The following MATN2 variants were observed in gnomAD, a reference collection of about 807,000 sequenced individuals.
The protein encoded by MATN2 is matrilin-2.
A neutral mutation model predicts 103.2 loss-of-function variants in MATN2; 69 were observed. That is an observed-to-expected ratio of 0.67 (90% CI 0.55 to 0.82). The LOEUF is 0.82. Among genes scored for constraint, MATN2 ranks in the 40% least tolerant of loss-of-function variants. The pLI, the probability that MATN2 is intolerant of heterozygous loss-of-function variation, is 0.00. For synonymous variants in MATN2, 429 were observed against 450.2 expected, an observed-to-expected ratio of 0.95 and a Z score of 0.60; for missense variants, 1,023 against 1,211.5, an observed-to-expected ratio of 0.84 and a Z score of 2.31.
intron 5 of MATN2, among the ~76,000 whole-genome samples, chr8:97,978,287 C>CATTTGAAAT: frequency 6.6e-6 from 1 of 152,278 alleles, no homozygotes; most frequent in East Asian, 1.9e-4. Flanking sequence ...CACAGGAACA[C>CATTTGAAAT]ATTTGTGGAA....
intron 1 of MATN2, among the ~76,000 whole-genome samples, chr8:97,880,416 C>T (rs758618232): frequency 1.2e-4 from 18 of 152,136 alleles, no homozygotes; most frequent in Admixed American, 3.3e-4. Context: ...GCTAGTGAGC[C>T]TTATCTCTCC....
intron 7 of MATN2, among the ~76,000 whole-genome samples, chr8:98,002,306 G>A (rs984596490): frequency 1.3e-5 from 2 of 152,198 alleles, no homozygotes; most frequent in African/African-American, 4.8e-5. Context: ...TCAGAGATAC[G>A]CCTCCTCCAG....
At chr8:98,013,935 C>T (rs1285154844) in intron 10 of MATN2, among the ~76,000 whole-genome samples, 1 of 151,894 alleles carries the variant, frequency 6.6e-6, no homozygotes, top group African/African-American at 2.4e-5. Flanking sequence ...ATAGTGGGAC[C>T]CCATCTCAAC....
chr8:98,032,020 G>A (rs1203066707), intron 15 of MATN2: 1 of 358,410 alleles, frequency 2.8e-6, no homozygotes, highest in African/African-American at 2.3e-5. Flanking sequence ...TTCTTAAGAT[G>A]TACTTAGGGG....
At chr8:97,884,755 C>T (rs1439947388) in intron 1 of MATN2, among the ~76,000 whole-genome samples, 1 of 151,916 alleles carries the variant, frequency 6.6e-6, no homozygotes, top group Non-Finnish European at 1.5e-5. Context: ...TGGGCGACAG[C>T]GAGACTCTGT....
Position 98,005,440 on chromosome 8 carries a change from G to T in MATN2, c.1327+1657G>T, listed in dbSNP as rs1371510015. Reference sequence around the variant, plus strand: ...CCCTGGCAATTTTCCCAGGGCAGGTGGTCCTGACCTGGCTGAGCCCACGCA... The same window carrying T: ...CCCTGGCAATTTTCCCAGGGCAGGTTGTCCTGACCTGGCTGAGCCCACGCA... On this transcript the variant is annotated intron_variant, in intron 8 of 18. Coordinates refer to ENST00000254898, the MANE Select transcript of MATN2 (RefSeq NM_002380.5). The surrounding 1 kb of genome is among the most constrained non-coding windows in gnomAD (Gnocchi z 4.6). 6.6e-6 allele frequency among the ~76,000 whole-genome samples: 1 copy of T among 152,120 alleles called. No individual in the cohort carries two copies. Among genetic ancestry groups the T allele is most frequent in the African/African-American group, 2.4e-5 (1 of 41,410 alleles).
intron 1 of MATN2, among the ~76,000 whole-genome samples, chr8:97,880,991 A>G (rs1165377207): frequency 1.3e-5 from 2 of 152,178 alleles, no homozygotes; most frequent in African/African-American, 2.4e-5. Context: ...CTTTCCACCT[A>G]TAAATCTTAG....
At chr8:97,928,165 G>C (rs141238081) in intron 2 of MATN2, among the ~76,000 whole-genome samples, 2 of 151,028 alleles carry the variant, frequency 1.3e-5, no homozygotes, top group African/African-American at 4.9e-5. Context: ...CCCAACCCAG[G>C]GCTATATGCT....
chr8:97,871,840 G>A (rs1817908945), intron 1 of MATN2, among the ~76,000 whole-genome samples: 1 of 152,192 alleles, frequency 6.6e-6, no homozygotes, highest in Non-Finnish European at 1.5e-5. Flanking sequence ...TGGTGTTAAT[G>A]ACTATGACAG....
chr8:97,877,163 T>A (rs1214922893), intron 1 of MATN2, among the ~76,000 whole-genome samples: 1 of 151,494 alleles, frequency 6.6e-6, no homozygotes, highest in Non-Finnish European at 1.5e-5. Context: ...TGTACCACCA[T>A]GCTCAGCTAA....
At chr8:97,933,118 GA>G (rs1334942875) in intron 3 of MATN2, among the ~76,000 whole-genome samples, 1 of 152,178 alleles carries the variant, frequency 6.6e-6, no homozygotes, top group East Asian at 1.9e-4. Context: ...CTTGACTCCG[GA>G]ATCAAAAGAT....
chr8:97,961,521 A>G lies in MATN2; in HGVS notation c.949A>G (p.Arg317Gly), dbSNP rs1365328563. ...CTACGCCCTGGCTGAGGATGGGAAG[A>G]GGTGTGTGGGTGAGTATCCCTCCAG... The part of the protein sequence containing the change: ...SGYALAEDGK[R>G]CVAVDYCASE... The change falls in exon 5 of 19, where the codon AGG (arginine) becomes GGG (glycine). Residue 317 changes from arginine (R) to glycine (G), a missense_variant. Arg to Gly is a moderately radical substitution (Grantham distance 125, BLOSUM62 -2). Transcript: ENST00000254898. 1 of 1,612,572 alleles carries G rather than the reference A, an allele frequency of 6.2e-7. No homozygotes were observed. Among genetic ancestry groups the G allele is most frequent in the African/African-American group, 1.3e-5 (1 of 74,982 alleles).
chr8:97,903,773 G>A (rs1819068635), intron 2 of MATN2, among the ~76,000 whole-genome samples: 1 of 152,196 alleles, frequency 6.6e-6, no homozygotes, highest in Admixed American at 6.5e-5. Flanking sequence ...GCTTCAGAGT[G>A]TGGTTGACTA....
chr8:97,914,156 T>A (rs564657012), intron 2 of MATN2, among the ~76,000 whole-genome samples: 16 of 151,860 alleles, frequency 1.1e-4, no homozygotes, highest in Non-Finnish European at 2.1e-4. Flanking sequence ...AAACATTAAT[T>A]TACACCCAAG....
chr8:97,903,870 A>T (rs1212873023), intron 2 of MATN2, among the ~76,000 whole-genome samples: 1 of 152,236 alleles, frequency 6.6e-6, no homozygotes, highest in African/African-American at 2.4e-5. Flanking sequence ...ATGTCTTATC[A>T]AATGTTTTCC....
chr8:97,957,968 C>T (rs1007348777), intron 4 of MATN2, among the ~76,000 whole-genome samples: 12 of 152,308 alleles, frequency 7.9e-5, no homozygotes, highest in East Asian at 1.9e-4. Context: ...GACTCTTCTG[C>T]GGATATCCCA....
intron 5 of MATN2, among the ~76,000 whole-genome samples, chr8:97,978,360 G>A (rs1586115503): frequency 6.6e-6 from 1 of 152,116 alleles, no homozygotes; most frequent in South Asian, 2.1e-4. Context: ...CTTATTCAAT[G>A]TTCATCTTAT....
rs758670782 is a variant in MATN2, at chr8:98,033,544, T to A, written c.2717-17T>A. On this transcript the variant is annotated splice_polypyrimidine_tract_variant and intron_variant, in intron 17 of 18. Transcript: ENST00000254898. ...TGGTGGATTCTAGAGGTGAACACTTTCCATCTGCTTTCTCAGGAAGCCCTT... is the reference window on the plus strand; with the variant it reads ...TGGTGGATTCTAGAGGTGAACACTTACCATCTGCTTTCTCAGGAAGCCCTT... 2.1e-6 allele frequency: 3 copies of A among 1,458,888 alleles called. No homozygotes were observed. The East Asian group carries it at 6.9e-5, about 34-fold the overall frequency. 90.4% of individuals were successfully genotyped at this position (1,458,888 alleles called of 1,614,324 possible).
chr8:97,949,544 T>A (rs1810874399), intron 4 of MATN2, among the ~76,000 whole-genome samples: 3 of 152,110 alleles, frequency 2.0e-5, no homozygotes. Flanking sequence ...TGCTCATACA[T>A]CACCAGTGGT....
Sources: gnomAD v4.1 joint callset for allele counts (sites outside exome capture counted in the v4.1 genomes callset) on GRCh38, gnomAD v4.1.1 for gene constraint, Gnocchi (gnomAD v3.1) non-coding constraint, MANE v1.5 for transcripts, NCBI Gene and HGNC (gene_info 2026-07-23, HGNC 2026-07-21) for gene names.